MYO1H: variants seen among roughly 807,000 people sequenced by gnomAD.
MYO1H encodes the protein unconventional myosin-Ih.
Under a neutral mutation model 149.3 loss-of-function variants are expected in MYO1H, and 118 were observed. The observed-to-expected ratio is 0.79, with a 90% CI of 0.68 to 0.92. MYO1H has a LOEUF of 0.92. Ranked by LOEUF, MYO1H falls within the 40% of genes least tolerant of loss-of-function variation. MYO1H has a pLI of 0.00. For synonymous variants in MYO1H, 447 were observed against 465.2 expected (o/e 0.96, Z 0.50); for missense variants, 1,212 against 1,280.7 (o/e 0.95, Z 0.82).
At chr12:109,417,908 C>T (rs1043813962) in intron 15 of MYO1H, among the ~76,000 whole-genome samples, 5 of 151,350 alleles carry the variant, frequency 3.3e-5, no homozygotes, top group African/African-American at 7.3e-5. Flanking sequence ...CTCCGCCTCC[C>T]GGATTCATGC....
intron 1 of MYO1H, among the ~76,000 whole-genome samples, chr12:109,385,308 T>C (rs988456512): frequency 6.6e-5 from 10 of 151,906 alleles, no homozygotes; most frequent in Admixed American, 1.3e-4. Flanking sequence ...TCTTTTTTTT[T>C]TTTTAAGACA....
upstream of MYO1H, among the ~76,000 whole-genome samples, chr12:109,346,695 G>T (rs903545904): frequency 1.3e-5 from 2 of 152,178 alleles, no homozygotes; most frequent in Non-Finnish European, 2.9e-5. Context: ...CTGGGGGGCG[G>T]AGGTTGCAGT....
chr12:109,405,913 T>G lies in MYO1H; in HGVS notation c.850-9T>G. On this transcript the variant is annotated splice_polypyrimidine_tract_variant and intron_variant, in intron 7 of 31. Transcript: ENST00000310903. ...ATCTCCTGTCTCTGAACACTTCCCA[T>G]GTTCCTAGAATCTCTTTGGAATTAT... 2 of 1,588,654 alleles carry G rather than the reference T, an allele frequency of 1.3e-6. No homozygotes were observed. The highest frequency in any genetic ancestry group is 1.7e-6 in the Non-Finnish European group (2 of 1,156,970).
At chr12:109,337,717 G>T in the MYO1H span, among the ~76,000 whole-genome samples, 1 of 152,282 alleles carries the variant, frequency 6.6e-6, no homozygotes, top group Non-Finnish European at 1.5e-5. Context: ...GATGAGATTT[G>T]GGTGGGGACA....
Position 109,412,304 on chromosome 12 carries a change from T to C in MYO1H, c.1502+319T>C, listed in dbSNP as rs1592802726. Among the ~76,000 whole-genome samples the C allele has an allele frequency of 3.9e-5, 6 of 152,100 alleles. No homozygotes were observed. The South Asian group carries it at 1.2e-3, about 32-fold the overall frequency. On this transcript the variant is annotated intron_variant, in intron 14 of 31. Transcript: ENST00000310903. ...TCCCAAGAAGCCAGGACTACAAACA[T>C]ACACCACAATGCCTGGCTAATTTTT...
rs1869026283 is a variant in MYO1H, at chr12:109,373,397, A to T, written c.13-15286A>T. ...TAATTATCAAGAATGTAATATAATT[A>T]TAATTATCAAGAATGAAAATTGAGT... On this transcript the variant is annotated intron_variant, in intron 1 of 31. Transcript: ENST00000310903. Among the ~76,000 whole-genome samples, 3 of 152,146 alleles carry T rather than the reference A, an allele frequency of 2.0e-5. No individual in the cohort carries two copies. The South Asian group carries it at 6.2e-4, about 31-fold the overall frequency.
chr12:109,325,846 A>G, the MYO1H span, among the ~76,000 whole-genome samples: 1 of 152,242 alleles, frequency 6.6e-6, no homozygotes, highest in Non-Finnish European at 1.5e-5. Flanking sequence ...CATTAGAGAA[A>G]TGCAAATCAA....
At chr12:109,421,478 A>G (rs1871172645) in intron 16 of MYO1H, among the ~76,000 whole-genome samples, 1 of 152,230 alleles carries the variant, frequency 6.6e-6, no homozygotes, top group Non-Finnish European at 1.5e-5. Flanking sequence ...TAAAACCTGA[A>G]TGAGAATGAT....
chr12:109,367,174 A>G (rs961660488), intron 1 of MYO1H, among the ~76,000 whole-genome samples: 3 of 152,202 alleles, frequency 2.0e-5, no homozygotes, highest in Non-Finnish European at 2.9e-5. Context: ...TCATAAGCAA[A>G]GTCAAAAGAA....
intron 5 of MYO1H, among the ~76,000 whole-genome samples, chr12:109,399,301 T>C (rs1266222116): frequency 1.3e-5 from 2 of 152,130 alleles, no homozygotes; most frequent in Non-Finnish European, 2.9e-5. Flanking sequence ...TAAAAATTTC[T>C]AGCATCCAGG....
At chr12:109,388,748 G>A in exon 2 of MYO1H, 1 of 1,612,868 alleles carries the variant, frequency 6.2e-7, no homozygotes, top group African/African-American at 1.3e-5. Context: ...CCCGGGACAA[G>A]GTCGGGGTTC....
At chr12:109,443,592 G>A in exon 28 of MYO1H, 1 of 1,613,784 alleles carries the variant, frequency 6.2e-7, no homozygotes, top group Non-Finnish European at 8.5e-7. Flanking sequence ...TCAGAAAGCA[G>A]CTTACGTGGT....
Position 109,405,895 on chromosome 12 carries a change from G to A in MYO1H, c.850-27G>A, listed in dbSNP as rs187773054. On this transcript the variant is annotated intron_variant, in intron 7 of 31. Transcript: ENST00000310903. ...TTCTCTTTCCCTGTCCTGATCTCCT[G>A]TCTCTGAACACTTCCCATGTTCCTA... 197 of 1,513,612 alleles carry A rather than the reference G, an allele frequency of 1.3e-4. 1 individual carries two copies. In the African/African-American group the frequency reaches 2.0e-3, roughly 15 times the overall value. 93.8% of individuals were successfully genotyped at this position (1,513,612 alleles called of 1,614,324 possible). A position where few individuals can be genotyped will look rare whatever the true frequency, so the allele number is the denominator to read the frequency against.
At chr12:109,317,512 T>C in the MYO1H span, among the ~76,000 whole-genome samples, 1 of 152,134 alleles carries the variant, frequency 6.6e-6, no homozygotes, top group Non-Finnish European at 1.5e-5. Flanking sequence ...AAAATACACT[T>C]CCCCTGGCCT....
the MYO1H span, among the ~76,000 whole-genome samples, chr12:109,315,531 T>C: frequency 6.6e-6 from 1 of 152,360 alleles, no homozygotes; most frequent in Non-Finnish European, 1.5e-5. Context: ...AGGTTTTCTT[T>C]TAAAATTTTT....
chr12:109,445,694 A>G (rs1352847312), intron 31 of MYO1H, 82 bp downstream of exon 31: 2 of 1,507,504 alleles, frequency 1.3e-6, no homozygotes, highest in Non-Finnish European at 1.8e-6. Context: ...AGTCCTGTAG[A>G]TTGACTGGAA....
At chr12:109,444,867 C>CAAAAA (rs57782261) in intron 30 of MYO1H, among the ~76,000 whole-genome samples, 1 of 136,952 alleles carries the variant, frequency 7.3e-6, no homozygotes. Context: ...GACAATGTCT[C>CAAAAA]AAAAAAAAAA....
In MYO1H at chr12:109,418,651, C is replaced by G. The variant is rs534631130; in HGVS notation, c.1598-2330C>G. Among the ~76,000 whole-genome samples the G allele has an allele frequency of 3.9e-5, 6 of 152,184 alleles. No individual in the cohort carries two copies. The East Asian group carries it at 1.2e-3, about 29-fold the overall frequency. On this transcript the variant is annotated intron_variant, in intron 15 of 31. Transcript: ENST00000310903. ...GCAAGCTCTGCCTCCTGGGTTTGCA[C>G]CATTCTCCTGCCTCAGCCTCCCTAG...
At chr12:109,440,801 G>A (rs775912104) in exon 25 of MYO1H, 11 of 1,564,976 alleles carry the variant, frequency 7.0e-6, no homozygotes, top group South Asian at 5.9e-5. Flanking sequence ...GTACTGCCGC[G>A]GGATCACAGC....
Sources: gnomAD v4.1 joint callset for allele counts (sites outside exome capture counted in the v4.1 genomes callset) on GRCh38, gnomAD v4.1.1 for gene constraint, MANE v1.5 for transcripts, NCBI Gene and HGNC (gene_info 2026-07-23, HGNC 2026-07-21) for gene names.